The following TTC23 variants were observed in gnomAD, a reference collection of about 807,000 sequenced individuals.
TTC23 encodes the protein tetratricopeptide repeat domain 23.
In TTC23, 58 loss-of-function variants were observed where a neutral mutation model predicts 55.1. The ratio of observed to expected loss-of-function variants is 1.05; its 90% CI spans 0.85 to 1.31. The LOEUF is 1.31. TTC23 is among the 50% of genes most tolerant of loss of function. TTC23 has a pLI of 0.00. For synonymous variants in TTC23, 203 were observed against 199.9 expected, an observed-to-expected ratio of 1.02 and a Z score of -0.13; for missense variants, 516 against 534.4, an observed-to-expected ratio of 0.97 and a Z score of 0.34.
At chr15:99,173,395 A>G (rs1277951448) in intron 10 of TTC23, among the ~76,000 whole-genome samples, 1 of 152,284 alleles carries the variant, frequency 6.6e-6, no homozygotes, top group Non-Finnish European at 1.5e-5. Context: ...GTTCAAGACC[A>G]TCCTTGGCAA....
intron 9 of TTC23, among the ~76,000 whole-genome samples, chr15:99,188,733 T>G (rs757734276): frequency 2.6e-5 from 4 of 152,028 alleles, no homozygotes; most frequent in African/African-American, 4.8e-5. Context: ...TTAAAAAATA[T>G]AAATGCAAAT....
chr15:99,152,002 C>A (rs2069828535), intron 12 of TTC23, among the ~76,000 whole-genome samples: 1 of 152,146 alleles, frequency 6.6e-6, no homozygotes, highest in African/African-American at 2.4e-5. Flanking sequence ...TGTCCCCACC[C>A]CAATCTCATG....
In TTC23 at chr15:99,138,050, G is replaced by C; in HGVS notation, c.1304C>G (p.Thr435Ser). 6.2e-7 allele frequency: 1 copy of C among 1,614,052 alleles called. No homozygotes were observed. The highest frequency in any genetic ancestry group is 8.5e-7 in the Non-Finnish European group (1 of 1,180,018). Residue 435 changes from threonine (T) to serine (S), a missense_variant, in exon 14 of 14, where the codon ACC becomes AGC. Transcript: ENST00000394132. ...VAFCTSIPQDTLLGKARPGTT... is the reference protein window; with the variant it reads ...VAFCTSIPQDSLLGKARPGTT... ...GCCGGGCCGGGCCTTCCCCAGCAGG[G>C]TGTCCTGAGGGATGCTGGTGCAGAA...
In TTC23 at chr15:99,140,128, C is replaced by T. The variant is rs113027078; in HGVS notation, c.1144-729G>A. 7.7e-4 allele frequency: 138 copies of T among 180,122 alleles called. 2 individuals are homozygous for T. Among genetic ancestry groups the T allele is most frequent in the African/African-American group, 3.2e-3 (133 of 41,922 alleles). 11.2% of individuals were successfully genotyped at this position (180,122 alleles called of 1,614,324 possible). A position where few individuals can be genotyped will look rare whatever the true frequency, so the allele number is the denominator to read the frequency against. On this transcript the variant is annotated intron_variant, in intron 12 of 13. Coordinates refer to ENST00000394132, the MANE Select transcript of TTC23 (RefSeq NM_001288615.3). ...CAGCATGTTTGTCACCCGGGGTAGA[C>T]AAAAAGACCAGTGGAACAGGGCAGA...
intron 5 of TTC23, among the ~76,000 whole-genome samples, chr15:99,226,028 C>T (rs1350910559): frequency 2.6e-5 from 4 of 152,112 alleles, no homozygotes; most frequent in Admixed American, 1.3e-4. Flanking sequence ...CGAACTCAAA[C>T]AGAGAGATAT....
At chr15:99,186,863 GT>G (rs2074716046) in intron 9 of TTC23, among the ~76,000 whole-genome samples, 1 of 152,090 alleles carries the variant, frequency 6.6e-6, no homozygotes, top group African/African-American at 2.4e-5. Context: ...TTGTTAAGAT[GT>G]CAATACTTCC....
chr15:99,138,250 AAATG>A (rs2067768679), intron 13 of TTC23, 123 bp from the exon 14 acceptor site: 4 of 1,127,434 alleles, frequency 3.5e-6, no homozygotes. Flanking sequence ...TAGGGGCTAT[AAATG>A]AGAGGAGAAT....
At chr15:99,144,208 G>A (rs1555491849) in intron 12 of TTC23, among the ~76,000 whole-genome samples, 2 of 152,094 alleles carry the variant, frequency 1.3e-5, no homozygotes, top group East Asian at 1.9e-4. Flanking sequence ...GGAGTCTAAG[G>A]AGCCCAGGAG....
At chr15:99,249,898 T>A (rs994462355), upstream of TTC23, 1 of 152,164 alleles carries the variant, frequency 6.6e-6, no homozygotes, top group African/African-American at 2.4e-5. Context: ...ACTTGGTAAC[T>A]TTTGTGTCAA....
At chr15:99,154,940 T>G (rs1244374741) in intron 12 of TTC23, among the ~76,000 whole-genome samples, 1 of 152,194 alleles carries the variant, frequency 6.6e-6, no homozygotes, top group Non-Finnish European at 1.5e-5. Flanking sequence ...ATTATTATAT[T>G]GGAGGTATAA....
intron 5 of TTC23, among the ~76,000 whole-genome samples, chr15:99,226,023 TCAAA>T (rs1327787090): frequency 1.3e-5 from 2 of 152,182 alleles, no homozygotes; most frequent in Admixed American, 6.5e-5. Flanking sequence ...TAAGACGAAC[TCAAA>T]CAGAGAGATA....
At chr15:99,219,172 G>T in intron 6 of TTC23, 124 bp from the exon 7 acceptor site, 1 of 1,074,444 alleles carries the variant, frequency 9.3e-7, no homozygotes, top group Non-Finnish European at 1.3e-6. Flanking sequence ...ACATGGAGAC[G>T]TATCTGGGCA....
intron 8 of TTC23, 74 bp downstream of exon 8, chr15:99,218,514 C>A: frequency 6.3e-7 from 1 of 1,595,088 alleles, no homozygotes; most frequent in South Asian, 1.1e-5. Flanking sequence ...AGATGCTCCT[C>A]CTACCTGAGA....
chr15:99,167,992 G>A (rs2072370884), intron 10 of TTC23, among the ~76,000 whole-genome samples: 1 of 152,204 alleles, frequency 6.6e-6, no homozygotes, highest in African/African-American at 2.4e-5. Context: ...CCTGCTGGGG[G>A]CTGCTGTTCG....
intron 9 of TTC23, among the ~76,000 whole-genome samples, chr15:99,175,458 G>A (rs1446192129): frequency 1.3e-5 from 2 of 152,240 alleles, no homozygotes; most frequent in African/African-American, 2.4e-5. Flanking sequence ...GGAGTTACAA[G>A]AAGTAAAGAG....
chr15:99,183,012 G>A (rs1437333056), intron 9 of TTC23, among the ~76,000 whole-genome samples: 1 of 152,178 alleles, frequency 6.6e-6, no homozygotes, highest in African/African-American at 2.4e-5. Flanking sequence ...AAGTGACTTT[G>A]GAACTGGGTA....
At chr15:99,242,833 G>C (rs1460771937) in intron 2 of TTC23, among the ~76,000 whole-genome samples, 1 of 152,112 alleles carries the variant, frequency 6.6e-6, no homozygotes, top group Non-Finnish European at 1.5e-5. Context: ...GCTGATAAAA[G>C]CCTGATTTTA....
chr15:99,164,587 C>G (rs1357000981), intron 10 of TTC23, among the ~76,000 whole-genome samples: 2 of 152,176 alleles, frequency 1.3e-5, no homozygotes, highest in Admixed American at 6.5e-5. Flanking sequence ...CTGTACAAAC[C>G]ATTATCTTTT....
chr15:99,182,300 C>T (rs2151947467), intron 9 of TTC23, among the ~76,000 whole-genome samples: 1 of 149,136 alleles, frequency 6.7e-6, no homozygotes, highest in East Asian at 2.0e-4. Flanking sequence ...ATAATCATAA[C>T]CCAGCCACGT....
Sources: gnomAD v4.1 joint callset for allele counts (sites outside exome capture counted in the v4.1 genomes callset) on GRCh38, gnomAD v4.1.1 for gene constraint, MANE v1.5 for transcripts, NCBI Gene and HGNC (gene_info 2026-07-23, HGNC 2026-07-21) for gene names.